Variants in CCDC91 observed in about 807,000 individuals in gnomAD.
CCDC91 encodes coiled-coil domain-containing protein 91.
A neutral mutation model predicts 63.2 loss-of-function variants in CCDC91; 48 were observed. The ratio of observed to expected loss-of-function variants is 0.76; its 90% confidence interval spans 0.60 to 0.97. The LOEUF (loss-of-function observed/expected upper bound fraction) is 0.97, where lower values mean the gene tolerates loss of function less well. CCDC91 is among the 50% of genes least tolerant of loss of function. CCDC91 has a pLI of 0.00. For missense variants in CCDC91, 500 were observed against 494.6 expected (o/e 1.01, Z -0.10); for synonymous variants, 167 against 165.8 (o/e 1.01, Z -0.06).
rs1448536552 is a variant in CCDC91, at chr12:28,373,168, C to T, written c.654+10653C>T. 2.6e-5 allele frequency among the ~76,000 whole-genome samples: 4 copies of T among 152,162 alleles called. No homozygotes were observed. In the East Asian group the frequency reaches 5.8e-4, roughly 22 times the overall value. ...TTTTAGTACTTTGAATATGTCATCT[C>T]ATTGCCTTCTATCCTACATATGAGA... On this transcript the variant is annotated intron_variant, in intron 7 of 12. Coordinates refer to ENST00000536442, the MANE Select transcript of CCDC91 (RefSeq NM_018318.5).
intron 8 of CCDC91, among the ~76,000 whole-genome samples, chr12:28,421,020 A>G (rs1259618085): frequency 2.0e-5 from 3 of 152,046 alleles, no homozygotes; most frequent in Non-Finnish European, 4.4e-5. Context: ...TTCTCAGCAT[A>G]GATTTCTAGC....
In CCDC91 at chr12:28,387,784, G is replaced by A. The variant is rs895248813; in HGVS notation, c.655-3520G>A. ...TATACCGCAGTTTCTTTATCCACTC[G>A]TTGATTGATGGGCATTTGGGCTGGT... is the stretch of plus-strand genomic sequence containing the variant. On this transcript the variant is annotated intron_variant, in intron 7 of 12. Coordinates refer to ENST00000536442, the MANE Select transcript of CCDC91 (RefSeq NM_018318.5). Among the ~76,000 whole-genome samples the A allele has an allele frequency of 3.9e-5, 6 of 151,990 alleles. No homozygotes were observed. The East Asian group carries it at 7.7e-4, about 20-fold the overall frequency.
At chr12:28,522,979 G>A (rs192781699) in intron 12 of CCDC91, among the ~76,000 whole-genome samples, 4 of 152,270 alleles carry the variant, frequency 2.6e-5, no homozygotes, top group Admixed American at 2.0e-4. Context: ...TTGCTGAGGA[G>A]TGCTTTACTT....
At chr12:28,234,430 C>G (rs1183631507) in intron 1 of CCDC91, among the ~76,000 whole-genome samples, 1 of 152,132 alleles carries the variant, frequency 6.6e-6, no homozygotes, top group East Asian at 1.9e-4. Context: ...CCTTATCAAA[C>G]TGTTACAAAT....
intron 8 of CCDC91, among the ~76,000 whole-genome samples, chr12:28,402,075 T>A (rs1946656635): frequency 6.6e-6 from 1 of 152,154 alleles, no homozygotes; most frequent in Non-Finnish European, 1.5e-5. Flanking sequence ...CTAGTATTTC[T>A]CAGCATTGGC....
chr12:28,280,093 CAG>C (rs1164369275), intron 3 of CCDC91, among the ~76,000 whole-genome samples: 1 of 152,016 alleles, frequency 6.6e-6, no homozygotes, highest in East Asian at 1.9e-4. Flanking sequence ...CTGATATGAG[CAG>C]AGTGTCACCT....
chr12:28,369,061 CAT>C (rs1447836867), intron 7 of CCDC91, among the ~76,000 whole-genome samples: 2 of 152,278 alleles, frequency 1.3e-5, no homozygotes, highest in East Asian at 1.9e-4. Context: ...TCCCAAATCT[CAT>C]GTCCTTCTCA....
intron 6 of CCDC91, among the ~76,000 whole-genome samples, chr12:28,315,443 G>A (rs1186140303): frequency 6.6e-6 from 1 of 151,922 alleles, no homozygotes; most frequent in Non-Finnish European, 1.5e-5. Flanking sequence ...TGGGATTACA[G>A]GCATGAGCAC....
chr12:28,244,100 G>A (rs908868754), intron 1 of CCDC91, among the ~76,000 whole-genome samples: 2 of 152,204 alleles, frequency 1.3e-5, no homozygotes, highest in South Asian at 2.1e-4. Flanking sequence ...GGTATGCAAG[G>A]ATGATTTACT....
chr12:28,368,070 T>C (rs1256667975), intron 7 of CCDC91, among the ~76,000 whole-genome samples: 1 of 152,216 alleles, frequency 6.6e-6, no homozygotes, highest in Non-Finnish European at 1.5e-5. Flanking sequence ...TTTTTCTGTG[T>C]ATTTGTACAT....
At chr12:28,461,248 A>G (rs11049633) in intron 11 of CCDC91, among the ~76,000 whole-genome samples, 17,804 of 152,072 alleles carry the variant, frequency 0.12, 2,866 homozygotes, top group African/African-American at 0.36. Flanking sequence ...CAGTTGATCT[A>G]GCAAAATGTG....
rs560381453 is a variant in CCDC91, at chr12:28,386,558, G to A, written c.655-4746G>A. 7.2e-5 allele frequency among the ~76,000 whole-genome samples: 11 copies of A among 152,148 alleles called. No homozygotes were observed. In the East Asian group the frequency reaches 1.4e-3, roughly 19 times the overall value. On this transcript the variant is annotated intron_variant, in intron 7 of 12. Coordinates refer to ENST00000536442, the MANE Select transcript of CCDC91 (RefSeq NM_018318.5). ...TAATTTTTGTATTTTTAGTAGAGAT[G>A]GGGTTTCATCACGTTGGTCAGGCTG... is the stretch of plus-strand genomic sequence containing the variant.
At chr12:28,420,592 T>G (rs1947943191) in intron 8 of CCDC91, among the ~76,000 whole-genome samples, 2 of 151,976 alleles carry the variant, frequency 1.3e-5, no homozygotes, top group African/African-American at 4.8e-5. Context: ...CCATGGAAAA[T>G]GAAAGGTAAA....
intron 3 of CCDC91, among the ~76,000 whole-genome samples, chr12:28,278,885 T>C (rs925335722): frequency 4.6e-5 from 7 of 152,042 alleles, no homozygotes; most frequent in African/African-American, 1.7e-4. Flanking sequence ...TAATATATAC[T>C]TTAAAAAAGT....
At chr12:28,531,506 G>GA (rs1181267759) in intron 12 of CCDC91, among the ~76,000 whole-genome samples, 3 of 151,992 alleles carry the variant, frequency 2.0e-5, no homozygotes, top group African/African-American at 7.2e-5. Flanking sequence ...TTTTTCATGT[G>GA]ATACTGTATT....
rs183941788 is a variant in CCDC91, at chr12:28,312,688, T to C, written c.576+4939T>C. Among the ~76,000 whole-genome samples the C allele has an allele frequency of 1.0e-3, 156 of 152,200 alleles. 1 individual carries two copies. Among genetic ancestry groups the C allele is most frequent in the African/African-American group, 3.4e-3 (141 of 41,586 alleles). ...ACTCAAATCTTATCTTGAATTGTAG[T>C]TTTCATAATTCCCACATGTTGTGGG... On this transcript the variant is annotated intron_variant, in intron 6 of 12. Coordinates refer to ENST00000536442, the MANE Select transcript of CCDC91 (RefSeq NM_018318.5).
intron 1 of CCDC91, among the ~76,000 whole-genome samples, chr12:28,253,844 A>G (rs1260150241): frequency 3.3e-5 from 5 of 152,174 alleles, no homozygotes; most frequent in African/African-American, 7.2e-5. Context: ...TAGGCATTTA[A>G]TGATGCTTCC....
intron 7 of CCDC91, among the ~76,000 whole-genome samples, chr12:28,380,547 A>T (rs1369820930): frequency 6.6e-6 from 1 of 152,096 alleles, no homozygotes; most frequent in Non-Finnish European, 1.5e-5. Flanking sequence ...ATTATAACAA[A>T]TTCAGGCCAC....
In CCDC91 at chr12:28,528,638, C is replaced by A. The variant is rs114574748; in HGVS notation, c.1216-20425C>A. Among the ~76,000 whole-genome samples, 938 of 152,232 alleles carry A rather than the reference C, an allele frequency of 6.2e-3. 11 individuals are homozygous for A. The highest frequency in any genetic ancestry group is 0.022 in the African/African-American group (911 of 41,544). ...GTCCAAGTGGGGGCTGCAATCTAGTCCTGCCTCCCGTCTGCCATGATCTGT... is the reference window on the plus strand; with the variant it reads ...GTCCAAGTGGGGGCTGCAATCTAGTACTGCCTCCCGTCTGCCATGATCTGT... On this transcript the variant is annotated intron_variant, in intron 12 of 12. Coordinates refer to ENST00000536442, the MANE Select transcript of CCDC91 (RefSeq NM_018318.5).
Sources: gnomAD v4.1 joint callset for allele counts (sites outside exome capture counted in the v4.1 genomes callset) on GRCh38, gnomAD v4.1.1 for gene constraint, MANE v1.5 for transcripts, NCBI Gene and HGNC (gene_info 2026-07-23, HGNC 2026-07-21) for gene names.